Variants in PTDSS1 observed in about 807,000 individuals in gnomAD.
PTDSS1 encodes the protein phosphatidylserine synthase 1.
In PTDSS1, 45 loss-of-function variants were observed where a neutral mutation model predicts 70.5. The observed-to-expected ratio is 0.64, with a 90% CI of 0.50 to 0.82. PTDSS1 has a LOEUF of 0.82. Among genes scored for constraint, PTDSS1 ranks in the 40% least tolerant of loss-of-function variants. The pLI is 0.00. For synonymous variants in PTDSS1, 188 were observed against 203.8 expected (o/e 0.92, Z 0.66); for missense variants, 417 against 586.1 (o/e 0.71, Z 2.98).
In PTDSS1 at chr8:96,331,109, G is replaced by C; in HGVS notation, c.1312+14G>C. ...AAGGGACAAAAGGTATCTTGTTCTT[G>C]TTCGTTGTTTAAAATTTTACTGGGT... On this transcript the variant is annotated intron_variant, in intron 12 of 12. Coordinates refer to ENST00000517309, the MANE Select transcript of PTDSS1 (RefSeq NM_014754.3). The C allele has an allele frequency of 1.4e-6, 2 of 1,420,728 alleles. No individual in the cohort carries two copies. The highest frequency in any genetic ancestry group is 2.0e-6 in the Non-Finnish European group (2 of 1,011,742). 88.0% of individuals were successfully genotyped at this position (1,420,728 alleles called of 1,614,324 possible).
Position 96,330,233 on chromosome 8 carries a change from T to A in PTDSS1, c.1194T>A (p.Cys398Ter). The change falls in exon 11 of 13, where the codon TGT (cysteine) becomes TGA (stop). Residue 398 changes from cysteine to a stop codon, truncating the protein, a stop_gained. Coordinates refer to ENST00000517309, the MANE Select transcript of PTDSS1 (RefSeq NM_014754.3). LOFTEE classifies it high-confidence loss of function. ...TCCAGGCTTTCACCACTTTCCTCTGTCTGTACGGCATGATTTGGTATGCAG... is the reference window on the plus strand; with the variant it reads ...TCCAGGCTTTCACCACTTTCCTCTGACTGTACGGCATGATTTGGTATGCAG... ...LLCVAFTTFL[C>*]LYGMIWYAEH... 1.2e-6 allele frequency: 2 copies of A among 1,613,268 alleles called. No homozygotes were observed. Among genetic ancestry groups the A allele is most frequent in the Non-Finnish European group, 8.5e-7 (1 of 1,179,370 alleles).
At chr8:96,320,554 G>T (rs1811359906) in intron 10 of PTDSS1, among the ~76,000 whole-genome samples, 1 of 152,152 alleles carries the variant, frequency 6.6e-6, no homozygotes, top group Non-Finnish European at 1.5e-5. Flanking sequence ...CACCTCAGCA[G>T]ATTCCAGTCA....
chr8:96,287,403 A>G (rs550762021), intron 4 of PTDSS1: 1 of 435,664 alleles, frequency 2.3e-6, no homozygotes, highest in Non-Finnish European at 4.0e-6. Flanking sequence ...TTGGGTGTGA[A>G]TTCTGCCTCT....
chr8:96,320,454 A>G, intron 10 of PTDSS1, 109 bp downstream of exon 10: 1 of 962,732 alleles, frequency 1.0e-6, no homozygotes, highest in South Asian at 1.5e-5. Flanking sequence ...TTAGAAATTC[A>G]TAAAAAGATG....
rs1811578206 is a variant in PTDSS1, at chr8:96,335,225, C to T, written c.*1659C>T. The T allele has an allele frequency of 6.6e-6, 1 of 152,206 alleles. No homozygotes were observed. The highest frequency in any genetic ancestry group is 1.5e-5 in the Non-Finnish European group (1 of 68,030). The allele number at this position is 152,206 out of a possible 1,614,324, so 9.4% of individuals were successfully genotyped here. On this transcript the variant is annotated 3_prime_UTR_variant, in exon 13 of 13. Transcript: ENST00000517309. ...GAGGCAAAGTGCGTGTTTCATAAAA[C>T]CTGCCTGCACTTTTATAACCCATCA...
chr8:96,275,442 T>C (rs1031671078), intron 2 of PTDSS1, among the ~76,000 whole-genome samples: 3 of 152,216 alleles, frequency 2.0e-5, no homozygotes, highest in Non-Finnish European at 4.4e-5. Context: ...ATTCCTGCTA[T>C]CAAATTTACT....
At chr8:96,295,890 G>C (rs1325205418) in intron 5 of PTDSS1, among the ~76,000 whole-genome samples, 1 of 152,126 alleles carries the variant, frequency 6.6e-6, no homozygotes, top group Non-Finnish European at 1.5e-5. Flanking sequence ...CCCTAACTTA[G>C]AGACGTGTGC....
intron 9 of PTDSS1, among the ~76,000 whole-genome samples, chr8:96,314,749 A>C (rs1174230373): frequency 6.6e-6 from 1 of 151,936 alleles, no homozygotes; most frequent in Non-Finnish European, 1.5e-5. Flanking sequence ...GGTGCCCGTC[A>C]CCTCGCCTGG....
In PTDSS1 at chr8:96,276,978, GCGCACACACA is replaced by G. The variant is rs1241996275; in HGVS notation, c.271+3590_271+3599del. Among the ~76,000 whole-genome samples, 290 of 129,742 alleles carry G rather than the reference GCGCACACACA, an allele frequency of 2.2e-3. 2 individuals carry two copies. Among genetic ancestry groups the G allele is most frequent in the African/African-American group, 7.2e-3 (271 of 37,416 alleles). 85.1% of individuals were successfully genotyped at this position (129,742 alleles called of 152,430 possible). A position where few individuals can be genotyped will look rare whatever the true frequency, so the allele number is the denominator to read the frequency against. On this transcript the variant is annotated intron_variant, in intron 2 of 12. Coordinates refer to ENST00000517309, the MANE Select transcript of PTDSS1 (RefSeq NM_014754.3). ...CGGGCACATACACGCGCGCACGCGC[GCGCACACACA>G]CACACACACACACACACACACACAC...
At position 96,272,447 on chromosome 8, in the gene PTDSS1, G is replaced by A. The variant is rs200701651; in HGVS notation, c.180-852G>A. 8.5e-5 allele frequency among the ~76,000 whole-genome samples: 13 copies of A among 152,248 alleles called. No individual in the cohort carries two copies. The South Asian group carries it at 1.5e-3, about 17-fold the overall frequency. ...TTATTTTGTAACCTACATATTGTGT[G>A]TCCTGTCAATGTCTTTTATACCAAC... On this transcript the variant is annotated intron_variant, in intron 1 of 12. Coordinates refer to ENST00000517309, the MANE Select transcript of PTDSS1 (RefSeq NM_014754.3).
At chr8:96,273,904 A>G (rs1810602755) in intron 2 of PTDSS1, among the ~76,000 whole-genome samples, 2 of 152,194 alleles carry the variant, frequency 1.3e-5, no homozygotes, top group South Asian at 2.1e-4. Context: ...GCAGGAAAAA[A>G]AGACAATGAT....
intron 8 of PTDSS1, among the ~76,000 whole-genome samples, chr8:96,307,147 CA>C (rs1380262949): frequency 6.6e-6 from 1 of 151,972 alleles, no homozygotes; most frequent in African/African-American, 2.4e-5. Flanking sequence ...CAGTGCAGTT[CA>C]AAGCAAGCAT....
chr8:96,327,158 A>T (rs1811449595), intron 10 of PTDSS1, among the ~76,000 whole-genome samples: 1 of 152,116 alleles, frequency 6.6e-6, no homozygotes, highest in Non-Finnish European at 1.5e-5. Flanking sequence ...CACTGGAAGG[A>T]TTTGGTCGTT....
chr8:96,292,891 G>A (rs1332097497), intron 4 of PTDSS1, among the ~76,000 whole-genome samples: 1 of 152,220 alleles, frequency 6.6e-6, no homozygotes, highest in African/African-American at 2.4e-5. Context: ...AACCTGTGCT[G>A]TCTGTAAGCA....
At position 96,299,762 on chromosome 8, in the gene PTDSS1, G is replaced by C. The variant is rs773154204; in HGVS notation, c.669G>C (p.Leu223=). 1 of 1,614,158 alleles carries C rather than the reference G, an allele frequency of 6.2e-7. No individual in the cohort carries two copies. The highest frequency in any genetic ancestry group is 8.5e-7 in the Non-Finnish European group (1 of 1,180,034). The change falls in exon 6 of 13, where the codon CTG becomes CTC. Residue 223 remains leucine (L), a synonymous_variant. Coordinates refer to ENST00000517309, the MANE Select transcript of PTDSS1 (RefSeq NM_014754.3). The part of the protein sequence containing the change: ...CWWDQVILDI[L]LCNGGGIWLG... ...GGGATCAAGTCATTCTGGACATCCT[G>C]TTGTGCAATGGCGGTGGCATTTGGC...
intron 2 of PTDSS1, among the ~76,000 whole-genome samples, chr8:96,278,492 G>A (rs1810681978): frequency 6.6e-6 from 1 of 152,114 alleles, no homozygotes; most frequent in South Asian, 2.1e-4. Flanking sequence ...GTGAGAGCAG[G>A]GGAAGGAGAG....
intron 1 of PTDSS1, among the ~76,000 whole-genome samples, chr8:96,266,214 T>A (rs1434900948): frequency 2.0e-5 from 3 of 152,230 alleles, no homozygotes; most frequent in African/African-American, 7.2e-5. Flanking sequence ...AACAGTAGAA[T>A]CAGCCTTTGT....
In PTDSS1 at chr8:96,331,066, T is replaced by C. The variant is rs773045928; in HGVS notation, c.1283T>C (p.Ile428Thr). 5 of 1,613,306 alleles carry C rather than the reference T, an allele frequency of 3.1e-6. No individual in the cohort carries two copies. In the Admixed American group the frequency reaches 5.0e-5, roughly 16 times the overall value. ...ECEDGTYSPE[I>T]SWHHRKGTKG... is the part of the protein sequence containing the mutation. ...GAAGATGGCACCTACAGTCCAGAGA[T>C]CTCCTGGCATCACAGGAAAGGGACA... Residue 428 changes from isoleucine to threonine, a missense_variant, in exon 12 of 13, where the codon ATC becomes ACC. Physicochemically the swap from Ile to Thr is moderately conservative, Grantham distance 89 (BLOSUM62 -1). This residue lies in a region of PTDSS1 where 107 missense variants were observed against 122.3 expected (regional missense o/e 0.88). Transcript: ENST00000517309.
chr8:96,269,490 A>AT (rs1288424876), intron 1 of PTDSS1, among the ~76,000 whole-genome samples: 1 of 152,158 alleles, frequency 6.6e-6, no homozygotes, highest in Non-Finnish European at 1.5e-5. Flanking sequence ...AAGTCTTCAT[A>AT]TTTGTTGTTG....
Sources: gnomAD v4.1 joint callset for allele counts (sites outside exome capture counted in the v4.1 genomes callset) on GRCh38, gnomAD v4.1.1 for gene constraint, gnomAD v4.1.1 regional missense constraint, MANE v1.5 for transcripts, NCBI Gene and HGNC (gene_info 2026-07-23, HGNC 2026-07-21) for gene names.